The following FBN2 variants were observed in gnomAD, a reference collection of about 807,000 sequenced individuals.
The protein encoded by FBN2 is fibrillin-2.
A neutral mutation model predicts 355.6 loss-of-function variants in FBN2; 105 were observed. That is an observed-to-expected ratio of 0.30 (90% CI 0.25 to 0.35). The LOEUF (loss-of-function observed/expected upper bound fraction) is 0.35. Among genes scored for constraint, FBN2 ranks in the 10% least tolerant of loss-of-function variants. The pLI is 1.00. For missense variants in FBN2, 3,280 were observed against 3,758.7 expected, an observed-to-expected ratio of 0.87 and a Z score of 3.33; for synonymous variants, 1,350 against 1,301.2, an observed-to-expected ratio of 1.04 and a Z score of -0.81.
intron 15 of FBN2, among the ~76,000 whole-genome samples, chr5:128,370,492 C>T (rs913896892): frequency 1.2e-4 from 19 of 152,174 alleles, no homozygotes; most frequent in Non-Finnish European, 1.9e-4. Context: ...AATTCACCAA[C>T]CCCATCCCTG....
intron 5 of FBN2, among the ~76,000 whole-genome samples, chr5:128,510,869 A>G (rs541493186): frequency 5.9e-5 from 9 of 152,288 alleles, no homozygotes; most frequent in African/African-American, 2.2e-4. Context: ...CACTAGAATC[A>G]AAGTTGAGGC....
rs535172382 is a variant in FBN2 at position 128,294,381 on chromosome 5, C to T, written c.6167-2727G>A. Among the ~76,000 whole-genome samples, 130 of 152,198 alleles carry T rather than the reference C, an allele frequency of 8.5e-4. 1 individual carries two copies. The highest frequency in any genetic ancestry group is 2.7e-3 in the African/African-American group (111 of 41,516). On this transcript the variant is annotated intron_variant, in intron 48 of 64. Coordinates refer to ENST00000262464, the MANE Select transcript of FBN2 (RefSeq NM_001999.4). ...AATGGGATGGCTGGGTCAAATGGTACTTCTAGTTCTAGATCCCTGAGGAAT... is the reference window on the plus strand; with the variant it reads ...AATGGGATGGCTGGGTCAAATGGTATTTCTAGTTCTAGATCCCTGAGGAAT...
chr5:128,426,014 T>C (rs1753473518), intron 7 of FBN2, among the ~76,000 whole-genome samples: 1 of 152,194 alleles, frequency 6.6e-6, no homozygotes, highest in Non-Finnish European at 1.5e-5. Context: ...CGTGTGAAGG[T>C]GTGAGTAGGG....
At chr5:128,345,941 A>G (rs1396316006) in intron 23 of FBN2, among the ~76,000 whole-genome samples, 1 of 152,248 alleles carries the variant, frequency 6.6e-6, no homozygotes, top group Admixed American at 6.5e-5. Context: ...GTGCCTTTTA[A>G]GCAGCCCTGT....
chr5:128,318,237 G>A lies in FBN2; in HGVS notation c.4629C>T (p.Val1543=), dbSNP rs1750265764. The change falls in exon 36 of 65, where the codon GTC becomes GTT. Residue 1543 remains valine, a synonymous_variant. Coordinates refer to ENST00000262464, the MANE Select transcript of FBN2 (RefSeq NM_001999.4). ...CAGGCGTGTTGACACATAGGCCATT[G>A]ACACAGTTTATAGGATCTGCACACT... is the stretch of plus-strand genomic sequence containing the variant. ...IDECADPINC[V]NGLCVNTPGR... 6.2e-7 allele frequency: 1 copy of A among 1,613,828 alleles called. No homozygotes were observed.
At chr5:128,383,244 G>C (rs1214994884) in intron 11 of FBN2, among the ~76,000 whole-genome samples, 1 of 151,916 alleles carries the variant, frequency 6.6e-6, no homozygotes, top group African/African-American at 2.4e-5. Context: ...CAATTCAATA[G>C]AGAGAAGACA....
intron 11 of FBN2, among the ~76,000 whole-genome samples, chr5:128,379,168 G>A (rs986711223): frequency 3.3e-5 from 5 of 152,108 alleles, no homozygotes; most frequent in African/African-American, 7.2e-5. Flanking sequence ...ATGATTAAAA[G>A]CATGTGCCCT....
chr5:128,298,136 C>G (rs1581197795), intron 48 of FBN2, among the ~76,000 whole-genome samples: 1 of 151,482 alleles, frequency 6.6e-6, no homozygotes, highest in South Asian at 2.1e-4. Context: ...GTTGAAAATT[C>G]TTTTCTTTAA....
rs35768962 is a variant in FBN2, at chr5:128,444,054, C to CTTTTTTTTTTT, written c.952+2416_952+2426dup. 1.4e-4 allele frequency among the ~76,000 whole-genome samples: 9 copies of CTTTTTTTTTTT among 65,614 alleles called. 1 individual carries two copies. Among genetic ancestry groups the CTTTTTTTTTTT allele is most frequent in the African/African-American group, 4.3e-4 (7 of 16,196 alleles). The allele number at this position is 65,614 out of a possible 152,430, so 43.0% of individuals were successfully genotyped here. A position where few individuals can be genotyped will look rare whatever the true frequency, so the allele number is the denominator to read the frequency against. ...TTTATATAAGCAAATATCACTTGTT[C>CTTTTTTTTTTT]TTTTTTTTTTTTTTTTTTTTTTTTT... On this transcript the variant is annotated intron_variant, in intron 7 of 64. Transcript: ENST00000262464.
intron 57 of FBN2, 82 bp downstream of exon 57, chr5:128,278,553 T>G (rs1765452767): frequency 1.6e-6 from 2 of 1,260,142 alleles, no homozygotes; most frequent in Admixed American, 3.4e-5. Flanking sequence ...ATTGTATCAA[T>G]TTTTCACTTT....
At chr5:128,292,373 T>C (rs962813844) in intron 48 of FBN2, among the ~76,000 whole-genome samples, 6 of 152,094 alleles carry the variant, frequency 3.9e-5, no homozygotes, top group African/African-American at 7.2e-5. Flanking sequence ...GGGAAGTACT[T>C]ATTTAATGGA....
At chr5:128,385,109 G>A (rs1202968249) in intron 11 of FBN2, among the ~76,000 whole-genome samples, 1 of 151,986 alleles carries the variant, frequency 6.6e-6, no homozygotes, top group Non-Finnish European at 1.5e-5. Context: ...TTTATTACAT[G>A]GGAAAATTGC....
At chr5:128,486,174 G>A (rs1332014754) in intron 5 of FBN2, among the ~76,000 whole-genome samples, 1 of 151,924 alleles carries the variant, frequency 6.6e-6, no homozygotes, top group African/African-American at 2.4e-5. Flanking sequence ...TTTCTTCTTA[G>A]TACTATCATA....
chr5:128,512,849 C>T (rs747790509), intron 5 of FBN2, among the ~76,000 whole-genome samples: 7 of 152,170 alleles, frequency 4.6e-5, no homozygotes, highest in East Asian at 1.9e-4. Flanking sequence ...CCTCTTAAAA[C>T]GATATTAGCA....
intron 34 of FBN2, 83 bp downstream of exon 34, chr5:128,328,613 T>G: frequency 1.5e-5 from 22 of 1,445,774 alleles, no homozygotes; most frequent in Middle Eastern, 1.9e-4. Flanking sequence ...TGCTTCCAGG[T>G]GGAGCTTGTT....
chr5:128,339,351 C>G (rs562894703), intron 25 of FBN2, among the ~76,000 whole-genome samples: 2 of 152,174 alleles, frequency 1.3e-5, no homozygotes, highest in Admixed American at 6.5e-5. Context: ...GGCATGGTGA[C>G]TCATGCCTGT....
chr5:128,456,495 C>T (rs921377610), intron 6 of FBN2, among the ~76,000 whole-genome samples: 1 of 152,060 alleles, frequency 6.6e-6, no homozygotes, highest in Non-Finnish European at 1.5e-5. Context: ...TGGGTGAGAC[C>T]CTCCAAAAGC....
intron 9 of FBN2, among the ~76,000 whole-genome samples, chr5:128,394,251 TTAATA>T: frequency 6.6e-6 from 1 of 152,330 alleles, no homozygotes; most frequent in East Asian, 1.9e-4. Context: ...ATTGAATATA[TTAATA>T]TATCTTTATG....
chr5:128,403,255 A>AT (rs2126992844), intron 8 of FBN2, among the ~76,000 whole-genome samples: 1 of 152,022 alleles, frequency 6.6e-6, no homozygotes, highest in African/African-American at 2.4e-5. Context: ...TTGGTATTAT[A>AT]TTTTTTCACA....
Sources: gnomAD v4.1 joint callset for allele counts (sites outside exome capture counted in the v4.1 genomes callset) on GRCh38, gnomAD v4.1.1 for gene constraint, MANE v1.5 for transcripts, NCBI Gene and HGNC (gene_info 2026-07-23, HGNC 2026-07-21) for gene names.